GALNT13: variants seen among roughly 807,000 people sequenced by gnomAD.
GALNT13 encodes UDP-GalNAc:polypeptide N-acetylgalactosaminyltransferase 13.
Under a neutral mutation model 64.2 loss-of-function variants are expected in GALNT13, and 28 were observed. That is an observed-to-expected ratio of 0.44 (90% confidence interval 0.32 to 0.60). The LOEUF (loss-of-function observed/expected upper bound fraction) is 0.60, where lower values mean the gene tolerates loss of function less well. Among genes scored for constraint, GALNT13 ranks in the 20% least tolerant of loss-of-function variants. GALNT13 has a pLI of 0.05. For synonymous variants in GALNT13, 214 were observed against 224.6 expected (o/e 0.95, Z 0.42); for missense variants, 577 against 669.8 (o/e 0.86, Z 1.53).
intron 3 of GALNT13, among the ~76,000 whole-genome samples, chr2:154,072,439 T>G (rs1022616587): frequency 2.0e-5 from 3 of 152,146 alleles, no homozygotes; most frequent in African/African-American, 7.2e-5. Flanking sequence ...GTTTGTTTTT[T>G]TATGATCAAA....
intron 11 of GALNT13, among the ~76,000 whole-genome samples, chr2:154,413,682 C>G (rs564419777): frequency 1.3e-5 from 2 of 152,036 alleles, no homozygotes; most frequent in Admixed American, 6.6e-5. Flanking sequence ...ACACTGTTCT[C>G]TGAAATTGAG....
intron 8 of GALNT13, among the ~76,000 whole-genome samples, chr2:154,268,505 G>A (rs1015413495): frequency 6.6e-6 from 1 of 152,064 alleles, no homozygotes; most frequent in Admixed American, 6.6e-5. Context: ...TGTGGTGACA[G>A]CCTCACAAGT....
intron 3 of GALNT13, among the ~76,000 whole-genome samples, chr2:154,130,552 A>T (rs1447713862): frequency 6.6e-6 from 1 of 152,186 alleles, no homozygotes; most frequent in Non-Finnish European, 1.5e-5. Context: ...AAAGATATAT[A>T]TATTTTTTAC....
chr2:153,769,905 T>C, the GALNT13 span, among the ~76,000 whole-genome samples: 1 of 152,248 alleles, frequency 6.6e-6, no homozygotes, highest in Non-Finnish European at 1.5e-5. Context: ...AATGGATTTT[T>C]CATTTCTAGG....
intron 4 of GALNT13, among the ~76,000 whole-genome samples, chr2:154,151,969 C>T (rs1341549798): frequency 2.0e-5 from 3 of 152,114 alleles, no homozygotes; most frequent in African/African-American, 7.2e-5. Flanking sequence ...TTGATCCTGT[C>T]ATTTTGATGT....
chr2:153,136,590 A>T, the GALNT13 span, among the ~76,000 whole-genome samples: 1 of 152,108 alleles, frequency 6.6e-6, no homozygotes, highest in Non-Finnish European at 1.5e-5. Context: ...AAAAGAAATA[A>T]AACCTGTACT....
chr2:153,590,875 A>C, the GALNT13 span, among the ~76,000 whole-genome samples: 1 of 152,160 alleles, frequency 6.6e-6, no homozygotes, highest in Non-Finnish European at 1.5e-5. Context: ...TGAATGGAGA[A>C]ATGTTGAAAA....
chr2:154,205,822 A>G (rs1183706312), intron 4 of GALNT13, among the ~76,000 whole-genome samples: 2 of 152,188 alleles, frequency 1.3e-5, no homozygotes, highest in Non-Finnish European at 2.9e-5. Context: ...TCTGGATTCC[A>G]AAAGATAATT....
intron 8 of GALNT13, among the ~76,000 whole-genome samples, chr2:154,284,520 T>TACACACACACACACACACAC (rs372990123): frequency 1.2e-4 from 17 of 145,854 alleles, no homozygotes; most frequent in African/African-American, 2.8e-4. Context: ...TACATATAGC[T>TACACACACACACACACACAC]ACACACACAC....
the GALNT13 span, among the ~76,000 whole-genome samples, chr2:153,687,776 T>G: frequency 1.3e-5 from 2 of 151,944 alleles, no homozygotes; most frequent in African/African-American, 4.8e-5. Flanking sequence ...TGACGAAGCC[T>G]TCTGTCAGCT....
At chr2:153,642,605 T>C in the GALNT13 span, among the ~76,000 whole-genome samples, 2 of 151,848 alleles carry the variant, frequency 1.3e-5, no homozygotes, top group Non-Finnish European at 2.9e-5. Flanking sequence ...GACTACAAAT[T>C]GTGAAAAATA....
the GALNT13 span, among the ~76,000 whole-genome samples, chr2:153,332,126 A>AT: frequency 6.6e-6 from 1 of 151,558 alleles, no homozygotes; most frequent in Non-Finnish European, 1.5e-5. Flanking sequence ...TTGTCCTTTA[A>AT]TTTTTTGTTG....
chr2:153,646,452 C>A, the GALNT13 span, among the ~76,000 whole-genome samples: 1 of 137,848 alleles, frequency 7.3e-6, no homozygotes, highest in African/African-American at 2.5e-5. Flanking sequence ...TCTTTTTTTT[C>A]TTTTATATAT....
the GALNT13 span, among the ~76,000 whole-genome samples, chr2:153,577,116 GT>G: frequency 3.3e-5 from 5 of 152,032 alleles, no homozygotes; most frequent in African/African-American, 1.2e-4. Flanking sequence ...CGTAGACCAA[GT>G]TTCTAAAGAG....
the GALNT13 span, among the ~76,000 whole-genome samples, chr2:153,781,873 A>G: frequency 6.6e-6 from 1 of 152,198 alleles, no homozygotes; most frequent in African/African-American, 2.4e-5. Flanking sequence ...GTCACTTCCA[A>G]GATTAGGTTA....
chr2:153,247,333 C>A, the GALNT13 span, among the ~76,000 whole-genome samples: 1 of 152,188 alleles, frequency 6.6e-6, no homozygotes, highest in East Asian at 1.9e-4. Context: ...ACAGAATATA[C>A]ATTCTTCTCA....
the GALNT13 span, among the ~76,000 whole-genome samples, chr2:153,505,187 T>G: frequency 6.6e-6 from 1 of 152,150 alleles, no homozygotes; most frequent in African/African-American, 2.4e-5. Flanking sequence ...ATAGTAGCCT[T>G]GAATAATATT....
chr2:153,806,144 G>A, the GALNT13 span, among the ~76,000 whole-genome samples: 3 of 152,014 alleles, frequency 2.0e-5, no homozygotes, highest in Non-Finnish European at 2.9e-5. Flanking sequence ...GTCTCATGAT[G>A]TATCTGCGGC....
rs568473122 is a variant in GALNT13 at position 154,176,397 on chromosome 2, C to T, written c.311+35892C>T. ...TCTCCTGAGTAGCTGGGACTACAGG[C>T]GCCCGCCACCACGCCTGGCTAATTT... On this transcript the variant is annotated intron_variant, in intron 4 of 12. Coordinates refer to ENST00000392825, the MANE Select transcript of GALNT13 (RefSeq NM_052917.4). Among the ~76,000 whole-genome samples the T allele has an allele frequency of 4.9e-3, 744 of 151,504 alleles. 6 individuals carry two copies. Among genetic ancestry groups the T allele is most frequent in the African/African-American group, 0.017 (700 of 41,338 alleles).
Sources: gnomAD v4.1 joint callset for allele counts (sites outside exome capture counted in the v4.1 genomes callset) on GRCh38, gnomAD v4.1.1 for gene constraint, MANE v1.5 for transcripts, NCBI Gene and HGNC (gene_info 2026-07-23, HGNC 2026-07-21) for gene names.